Variants in CYP4F11 observed in about 807,000 individuals in gnomAD.
The protein encoded by CYP4F11 is cytochrome P450 4F11.
CYP4F11 carries 79 observed loss-of-function variants against 62.2 expected under a neutral mutation model. The ratio of observed to expected loss-of-function variants is 1.27; its 90% CI spans 1.06 to 1.53. The LOEUF (loss-of-function observed/expected upper bound fraction) is 1.53. CYP4F11 is among the 40% of genes most tolerant of loss of function. The pLI is 0.00. For synonymous variants in CYP4F11, 290 were observed against 263.7 expected (o/e 1.10, Z -0.97); for missense variants, 777 against 680.5 (o/e 1.14, Z -1.58).
chr19:15,925,045 C>A (rs560348673), intron 4 of CYP4F11, among the ~76,000 whole-genome samples, 163 bp from the exon 5 acceptor site: 1 of 152,272 alleles, frequency 6.6e-6, no homozygotes, highest in East Asian at 1.9e-4. Context: ...GAAACTGTTA[C>A]TATTAGGAGA....
chr19:15,919,184 G>T (rs913072736), intron 8 of CYP4F11, among the ~76,000 whole-genome samples: 3 of 146,472 alleles, frequency 2.0e-5, no homozygotes, highest in African/African-American at 7.5e-5. Context: ...CTATGTATAT[G>T]AAATATATAC....
chr19:15,934,258 A>C lies in CYP4F11; in HGVS notation c.151T>G (p.Phe51Val), dbSNP rs903221761. ...CAGTTCTGTTTCGGGGGTTGAGGAA[A>C]ACACTGGAGGCGGCGGCAGTTGTCA... The part of the protein sequence containing the change: ...FYDNCRRLQC[F>V]PQPPKQNWFW... The change falls in exon 1 of 12, where the codon TTT (phenylalanine) becomes GTT (valine). Residue 51 changes from phenylalanine to valine, a missense_variant. Transcript: ENST00000402119. 3.7e-6 allele frequency: 6 copies of C among 1,613,620 alleles called. No individual in the cohort carries two copies. The highest frequency in any genetic ancestry group is 5.1e-6 in the Non-Finnish European group (6 of 1,179,814).
intron 1 of CYP4F11, among the ~76,000 whole-genome samples, chr19:15,929,828 TC>T (rs1479820562): frequency 6.6e-6 from 1 of 152,150 alleles, no homozygotes. Flanking sequence ...TGTCATCCAA[TC>T]CTTTGATGGT....
intron 2 of CYP4F11, among the ~76,000 whole-genome samples, chr19:15,929,019 T>C (rs1045028667): frequency 6.6e-6 from 1 of 152,164 alleles, no homozygotes. Flanking sequence ...TTCCCCTTGC[T>C]TTAAAATCTT....
intron 1 of CYP4F11, among the ~76,000 whole-genome samples, chr19:15,931,622 GAGGAGAGGAATGAGTGAGCGA>G (rs2089723459): frequency 2.5e-5 from 2 of 79,238 alleles, no homozygotes; most frequent in Admixed American, 1.2e-4. Context: ...ATGAGTGAGC[GAGGAGAGGAATGAGTGAGCGA>G]GGAGAGGAAT....
intron 8 of CYP4F11, among the ~76,000 whole-genome samples, chr19:15,921,432 T>A (rs1298667918): frequency 2.0e-5 from 3 of 152,182 alleles, no homozygotes; most frequent in Non-Finnish European, 4.4e-5. Context: ...CCTGCCCATG[T>A]GGGCTGGGAG....
At chr19:15,915,789 A>T (rs2089579025) in intron 8 of CYP4F11, among the ~76,000 whole-genome samples, 2 of 151,888 alleles carry the variant, frequency 1.3e-5, no homozygotes, top group Admixed American at 1.3e-4. Flanking sequence ...AACAGCCTTT[A>T]AAAAAAACTA....
intron 4 of CYP4F11, among the ~76,000 whole-genome samples, chr19:15,925,178 A>G (rs1192760721): frequency 6.6e-6 from 1 of 152,140 alleles, no homozygotes; most frequent in African/African-American, 2.4e-5. Context: ...ATCTTCAGTA[A>G]CAGTTAGGAC....
intron 1 of CYP4F11, among the ~76,000 whole-genome samples, chr19:15,930,670 T>C (rs1253722699): frequency 6.6e-6 from 1 of 152,078 alleles, no homozygotes; most frequent in Non-Finnish European, 1.5e-5. Flanking sequence ...CTCAAGAGGA[T>C]GTGTTTTCTC....
At chr19:15,924,501 C>T (rs983567229) in intron 5 of CYP4F11, among the ~76,000 whole-genome samples, 1 of 152,170 alleles carries the variant, frequency 6.6e-6, no homozygotes, top group Admixed American at 6.5e-5. Context: ...GCCCAACCCT[C>T]TTCAAAAGAT....
chr19:15,934,646 A>G (rs190268047), upstream of CYP4F11: 129 of 471,538 alleles, frequency 2.7e-4, no homozygotes, highest in African/African-American at 2.3e-3. Flanking sequence ...ATTAGAATCC[A>G]AAAAGGCCCA....
chr19:15,917,533 T>C (rs950967813), intron 8 of CYP4F11, among the ~76,000 whole-genome samples: 2 of 151,998 alleles, frequency 1.3e-5, no homozygotes, highest in African/African-American at 2.4e-5. Flanking sequence ...GAGACAGATA[T>C]GTGAATAAGT....
At position 15,931,541 on chromosome 19, in the gene CYP4F11, CGGGGAGAGGAATG is replaced by C. The variant is rs1568257252; in HGVS notation, c.199-1953_199-1941del. Among the ~76,000 whole-genome samples, 526 of 73,312 alleles carry C rather than the reference CGGGGAGAGGAATG, an allele frequency of 7.2e-3. 11 individuals are homozygous for C. The highest frequency in any genetic ancestry group is 0.034 in the Middle Eastern group (4 of 116). The allele number at this position is 73,312 out of a possible 152,430, so 48.1% of individuals were successfully genotyped here. The stretch of plus-strand genomic sequence containing the variant: ...ATGGCACATCAGAGGAATGAGTGAG[CGGGGAGAGGAATG>C]AGTGAGCGAGGAGAGGAATGAGTGA... On this transcript the variant is annotated intron_variant, in intron 1 of 11. Transcript: ENST00000402119.
intron 5 of CYP4F11, 116 bp from the exon 6 acceptor site, chr19:15,924,198 G>A: frequency 7.6e-7 from 1 of 1,311,812 alleles, no homozygotes; most frequent in Non-Finnish European, 1.0e-6. Flanking sequence ...CAGGAGACTT[G>A]ACTCTCCAAA....
chr19:15,931,008 G>A (rs1217298793), intron 1 of CYP4F11, among the ~76,000 whole-genome samples: 1 of 152,206 alleles, frequency 6.6e-6, no homozygotes, highest in Non-Finnish European at 1.5e-5. Context: ...AGCAGACCAA[G>A]GCCATGTCCC....
At position 15,914,789 on chromosome 19, in the gene CYP4F11, G is replaced by A. The variant is rs1356985676; in HGVS notation, c.1222C>T (p.Leu408Phe). 6.2e-7 allele frequency: 1 copy of A among 1,614,198 alleles called. No individual in the cohort carries two copies. The highest frequency in any genetic ancestry group is 1.7e-5 in the Admixed American group (1 of 60,020). The change falls in exon 9 of 12, where the codon CTC becomes TTC. Residue 408 changes from leucine to phenylalanine, a missense_variant. Transcript: ENST00000402119. ...TTGGGGATGACGCGGCCGTCTGGGA[G>A]CACAAAGTCCTGCGTGCAACATCGG... ...ISRCCTQDFVLPDGRVIPKGI... is the reference protein window; with the variant it reads ...ISRCCTQDFVFPDGRVIPKGI...
intron 1 of CYP4F11, among the ~76,000 whole-genome samples, chr19:15,933,965 G>GAGAGGAATGAGTGAGCGGGC (rs2089752642): frequency 3.9e-5 from 5 of 129,148 alleles, no homozygotes; most frequent in Admixed American, 1.6e-4. Flanking sequence ...AGTGAGCGGG[G>GAGAGGAATGAGTGAGCGGGC]AGAGGAATGA....
In CYP4F11 at chr19:15,927,183, A is replaced by G. The variant is rs768344147; in HGVS notation, c.525+29T>C. The stretch of plus-strand genomic sequence containing the variant: ...TGTGGTCCCTCTACCCCAAGGCTCC[A>G]GCTGGGACCCAGAGTTCAAGGGACT... On this transcript the variant is annotated intron_variant, in intron 4 of 11. Transcript: ENST00000402119. 1.3e-4 allele frequency: 204 copies of G among 1,609,184 alleles called. 2 individuals are homozygous for G. Among genetic ancestry groups the G allele is most frequent in the South Asian group, 8.2e-4 (74 of 90,344 alleles).
Position 15,914,757 on chromosome 19 carries a change from A to G in CYP4F11, c.1249+5T>C, listed in dbSNP as rs2089569550. The stretch of plus-strand genomic sequence containing the variant: ...GGAGGCTCCTCCCCCTGAGGCTGTG[A>G]GCACCTTTGGGGATGACGCGGCCGT... On this transcript the variant is annotated splice_donor_5th_base_variant and intron_variant, in intron 9 of 11. Coordinates refer to ENST00000402119, the MANE Select transcript of CYP4F11 (RefSeq NM_021187.4). 6.2e-7 allele frequency: 1 copy of G among 1,614,096 alleles called. No homozygotes were observed. Among genetic ancestry groups the G allele is most frequent in the South Asian group, 1.1e-5 (1 of 91,080 alleles).
Sources: allele counts gnomAD v4.1 joint callset (sites outside exome capture counted in the v4.1 genomes callset), GRCh38; gene constraint gnomAD v4.1.1; transcripts MANE v1.5; gene names NCBI Gene and HGNC (gene_info 2026-07-23, HGNC 2026-07-21).